Variants in FGF3 observed in about 807,000 individuals in gnomAD.
FGF3 encodes the protein FGF-3.
Under a neutral mutation model 9.8 loss-of-function variants are expected in FGF3, and 7 were observed. The ratio of observed to expected loss-of-function variants is 0.72; its 90% CI spans 0.41 to 1.35. The LOEUF (loss-of-function observed/expected upper bound fraction) is 1.35. Among genes scored for constraint, FGF3 ranks in the 40% most tolerant of loss-of-function variants. The pLI, the probability that FGF3 is intolerant of heterozygous loss-of-function variation, is 0.01. For missense variants in FGF3, 390 were observed against 345.6 expected (o/e 1.13, Z -1.02); for synonymous variants, 173 against 157.2 (o/e 1.10, Z -0.75).
At chr11:69,810,740 CT>C in intron 2 of FGF3, 40 bp from the exon 3 acceptor site, 1 of 1,509,722 alleles carries the variant, frequency 6.6e-7, no homozygotes. Flanking sequence ...CCCGGGGAGA[CT>C]GTGGCAGCGT....
Position 69,810,465 on chromosome 11 carries a change from T to C in FGF3, c.560A>G (p.Asp187Gly). ...CTGTAGCTGCCGCACCATCTCGTGG[T>C]CCCTGTGGTCCAGCACGCGGGGCAG... Reference protein sequence around the residue: ...LFLPRVLDHRDHEMVRQLQSG... With the variant: ...LFLPRVLDHRGHEMVRQLQSG... The change falls in exon 3 of 3, where the codon GAC becomes GGC. Residue 187 changes from aspartate (D) to glycine (G), a missense_variant. Physicochemically the swap from Asp to Gly is moderately conservative, Grantham distance 94. Coordinates refer to ENST00000334134, the MANE Select transcript of FGF3 (RefSeq NM_005247.4). 6.2e-7 allele frequency: 1 copy of C among 1,603,976 alleles called. No homozygotes were observed. Among genetic ancestry groups the C allele is most frequent in the Non-Finnish European group, 8.5e-7 (1 of 1,175,558 alleles).
chr11:69,818,846 C>A lies in FGF3; in HGVS notation c.88G>T (p.Gly30Cys). ...GPGARLRRDA[G>C]GRGGVYEHLG... ...TGCTCGTAGACGCCGCCACGGCCGC[C>A]CGCATCGCGCCGCAACCGCGCCCCA... Residue 30 changes from glycine (G) to cysteine (C), a missense_variant, in exon 1 of 3, where the codon GGC becomes TGC. Transcript: ENST00000334134. 1 of 1,471,492 alleles carries A rather than the reference C, an allele frequency of 6.8e-7. No individual in the cohort carries two copies. The highest frequency in any genetic ancestry group is 8.9e-7 in the Non-Finnish European group (1 of 1,117,938). The allele number at this position is 1,471,492 out of a possible 1,614,324, so 91.2% of individuals were successfully genotyped here.
chr11:69,818,704 C>G lies in FGF3; in HGVS notation c.220+10G>C. The G allele has an allele frequency of 6.8e-7, 1 of 1,475,446 alleles. No homozygotes were observed. Among genetic ancestry groups the G allele is most frequent in the Admixed American group, 2.3e-5 (1 of 43,170 alleles). The allele number at this position is 1,475,446 out of a possible 1,614,324, so 91.4% of individuals were successfully genotyped here. A position where few individuals can be genotyped will look rare whatever the true frequency, so the allele number is the denominator to read the frequency against. Reference sequence around the variant, plus strand: ...GCTTCCCCCGGGGCCCCGCAGCGTCCGGCACTCACTGTAGGCGCTGTTCTC... The same window carrying G: ...GCTTCCCCCGGGGCCCCGCAGCGTCGGGCACTCACTGTAGGCGCTGTTCTC... On this transcript the variant is annotated intron_variant, in intron 1 of 2. Transcript: ENST00000334134.
rs1856132656 is a variant in FGF3, at chr11:69,816,338, C to T, written c.306G>A (p.Arg102=). Residue 102 remains arginine, a synonymous_variant, in exon 2 of 3, where the codon AGG becomes AGA. Coordinates refer to ENST00000334134, the MANE Select transcript of FGF3 (RefSeq NM_005247.4). ...FSGRYLAMNK[R]GRLYASEHYS... is the part of the protein sequence containing the mutation. ...GACTCACCGAAGCATAGAGTCGTCC[C>T]CTCTTGTTCATGGCCAGGTACCGCC... 1.9e-6 allele frequency: 3 copies of T among 1,613,940 alleles called. No homozygotes were observed. The highest frequency in any genetic ancestry group is 2.5e-6 in the Non-Finnish European group (3 of 1,179,824).
chr11:69,815,394 C>T (rs1274487453), intron 2 of FGF3, among the ~76,000 whole-genome samples: 1 of 152,054 alleles, frequency 6.6e-6, no homozygotes, highest in African/African-American at 2.4e-5. Context: ...GGAGTAGCCT[C>T]TGGACCAGAG....
In FGF3 at chr11:69,816,306, C is replaced by G; in HGVS notation, c.324+14G>C. ...ACTCCGTCAGCGCCCACCCACGTGA[C>G]AGCCTGGACTCACCGAAGCATAGAG... On this transcript the variant is annotated intron_variant, in intron 2 of 2. Coordinates refer to ENST00000334134, the MANE Select transcript of FGF3 (RefSeq NM_005247.4). 1 of 1,601,452 alleles carries G rather than the reference C, an allele frequency of 6.2e-7. No homozygotes were observed. Among genetic ancestry groups the G allele is most frequent in the Middle Eastern group, 1.7e-4 (1 of 6,042 alleles).
chr11:69,811,816 AC>A (rs1198194683), intron 2 of FGF3, among the ~76,000 whole-genome samples: 3 of 152,102 alleles, frequency 2.0e-5, no homozygotes, highest in Non-Finnish European at 2.9e-5. Flanking sequence ...GATTAATGGG[AC>A]CCTTGTCAGG....
At position 69,810,516 on chromosome 11, in the gene FGF3, C is replaced by A. The variant is rs782801923; in HGVS notation, c.509G>T (p.Arg170Leu). The change falls in exon 3 of 3, where the codon CGC (arginine) becomes CTC (leucine). Residue 170 changes from arginine (R) to leucine (L), a missense_variant. By Grantham distance (102) the Arg-to-Leu change is moderately radical. Transcript: ENST00000334134. ...KGRPRRGFKT[R>L]RTQKSSLFLP... ...GAACAGGGAGGACTTCTGTGTGCGG[C>A]GGGTCTTGAAGCCCCTGCGGGGCCG... 9 of 1,610,040 alleles carry A rather than the reference C, an allele frequency of 5.6e-6. No homozygotes were observed. Among genetic ancestry groups the A allele is most frequent in the African/African-American group, 4.0e-5 (3 of 74,914 alleles).
At chr11:69,815,274 A>ATGGATGGG (rs1856110514) in intron 2 of FGF3, among the ~76,000 whole-genome samples, 2 of 131,028 alleles carry the variant, frequency 1.5e-5, no homozygotes, top group African/African-American at 5.8e-5. Context: ...AGGTGGATGG[A>ATGGATGGG]TGGATGGGTG....
At chr11:69,816,219 T>C in intron 2 of FGF3, 101 bp downstream of exon 2, 1 of 941,280 alleles carries the variant, frequency 1.1e-6, no homozygotes, top group East Asian at 2.4e-5. Context: ...CGTGTACCCT[T>C]GGCAAAGCAT....
chr11:69,816,774 G>C (rs1334704375), intron 1 of FGF3, among the ~76,000 whole-genome samples: 1 of 152,208 alleles, frequency 6.6e-6, no homozygotes, highest in Non-Finnish European at 1.5e-5. Flanking sequence ...ACTATGGCTG[G>C]GTGACTGTCA....
intron 2 of FGF3, among the ~76,000 whole-genome samples, chr11:69,815,417 C>T (rs909846929): frequency 2.0e-5 from 3 of 152,048 alleles, no homozygotes; most frequent in Admixed American, 1.3e-4. Context: ...AATGAAGGGG[C>T]GCATCCCGGC....
rs146864055 is a variant in FGF3, at chr11:69,816,399, T to C, written c.245A>G (p.Glu82Gly). The change falls in exon 2 of 3, where the codon GAG becomes GGG. Residue 82 changes from glutamate to glycine, a missense_variant. Glu to Gly is a moderately conservative substitution (Grantham distance 98). Coordinates refer to ENST00000334134, the MANE Select transcript of FGF3 (RefSeq NM_005247.4). The stretch of plus-strand genomic sequence containing the variant: ...ACCCCTGATGGCCACAATGCCCACC[T>C]CCACTGCCGTTATCTCCAAAATACC... ...AYSILEITAV[E>G]VGIVAIRGLF... 6.2e-7 allele frequency: 1 copy of C among 1,613,822 alleles called. No homozygotes were observed. Among genetic ancestry groups the C allele is most frequent in the Non-Finnish European group, 8.5e-7 (1 of 1,179,830 alleles).
At chr11:69,811,458 AAAAAAAAAAGAAAAG>A (rs1469455051) in intron 2 of FGF3, among the ~76,000 whole-genome samples, 22 of 149,908 alleles carry the variant, frequency 1.5e-4, no homozygotes, top group African/African-American at 5.2e-4. Context: ...CTCAAAAAAA[AAAAAAAAAAGAAAAG>A]AAAAAAAAAG....
chr11:69,810,215 A>G lies in FGF3; in HGVS notation c.*90T>C. 1 of 1,265,276 alleles carries G rather than the reference A, an allele frequency of 7.9e-7. No homozygotes were observed. The highest frequency in any genetic ancestry group is 1.1e-6 in the Non-Finnish European group (1 of 931,978). 78.4% of individuals were successfully genotyped at this position (1,265,276 alleles called of 1,614,324 possible). On this transcript the variant is annotated 3_prime_UTR_variant, in exon 3 of 3. Coordinates refer to ENST00000334134, the MANE Select transcript of FGF3 (RefSeq NM_005247.4). ...AGCTGAGAACCCAGACGCGGGACGC[A>G]GGGGCAAGGGCTCAAGGAGGAGAGT... is the stretch of plus-strand genomic sequence containing the variant.
At position 69,810,015 on chromosome 11, in the gene FGF3, C is replaced by T. The variant is rs1490963910; in HGVS notation, c.*290G>A. ...GTGATGACACAAAGCCCCACACTGC[C>T]CCGCTGCTCCTGGGAGGCTCCTCAG... On this transcript the variant is annotated 3_prime_UTR_variant, in exon 3 of 3. Coordinates refer to ENST00000334134, the MANE Select transcript of FGF3 (RefSeq NM_005247.4). 2.3e-6 allele frequency: 1 copy of T among 432,310 alleles called. No individual in the cohort carries two copies. Among genetic ancestry groups the T allele is most frequent in the Admixed American group, 4.0e-5 (1 of 25,312 alleles). The allele number at this position is 432,310 out of a possible 1,614,324, so 26.8% of individuals were successfully genotyped here.
chr11:69,818,540 G>C (rs1856180319), intron 1 of FGF3, among the ~76,000 whole-genome samples, 174 bp downstream of exon 1: 1 of 152,058 alleles, frequency 6.6e-6, no homozygotes, highest in Admixed American at 6.5e-5. Flanking sequence ...TTCCCCTTCT[G>C]GCAGCGGGAG....
intron 2 of FGF3, among the ~76,000 whole-genome samples, chr11:69,815,910 C>T (rs1856124918): frequency 6.6e-6 from 1 of 152,144 alleles, no homozygotes; most frequent in Non-Finnish European, 1.5e-5. Flanking sequence ...GGGCCAGCGT[C>T]CTCCTCTCCA....
In FGF3 at chr11:69,818,942, C is replaced by T; in HGVS notation, c.-9G>A. On this transcript the variant is annotated 5_prime_UTR_variant, in exon 1 of 3. Coordinates refer to ENST00000334134, the MANE Select transcript of FGF3 (RefSeq NM_005247.4). The stretch of plus-strand genomic sequence containing the variant: ...AGCCAGATTAGGCCCATCGTGGCAT[C>T]GCGCCCGCCCCGCGGCGGCGGCGGC... The T allele has an allele frequency of 1.4e-6, 2 of 1,455,924 alleles. No individual in the cohort carries two copies. The highest frequency in any genetic ancestry group is 1.8e-6 in the Non-Finnish European group (2 of 1,107,272). 90.2% of individuals were successfully genotyped at this position (1,455,924 alleles called of 1,614,324 possible). A position where few individuals can be genotyped will look rare whatever the true frequency, so the allele number is the denominator to read the frequency against.
Sources: gnomAD v4.1 joint callset for allele counts (sites outside exome capture counted in the v4.1 genomes callset) on GRCh38, gnomAD v4.1.1 for gene constraint, MANE v1.5 for transcripts, NCBI Gene and HGNC (gene_info 2026-07-23, HGNC 2026-07-21) for gene names.